Variants in ANXA3 observed in about 807,000 individuals in gnomAD.
The protein encoded by ANXA3 is 35-alpha calcimedin.
Under a neutral mutation model 48.8 loss-of-function variants are expected in ANXA3, and 46 were observed. The ratio of observed to expected loss-of-function variants is 0.94; its 90% CI spans 0.74 to 1.21. The LOEUF (loss-of-function observed/expected upper bound fraction) is 1.21. ANXA3 is among the 50% of genes most tolerant of loss of function. The pLI is 0.00. For missense variants in ANXA3, 383 were observed against 378.6 expected (o/e 1.01, Z -0.10); for synonymous variants, 128 against 134.7 (o/e 0.95, Z 0.35).
intron 2 of ANXA3, among the ~76,000 whole-genome samples, chr4:78,561,093 C>T (rs948619294): frequency 3.3e-5 from 5 of 152,130 alleles, no homozygotes; most frequent in Non-Finnish European, 7.4e-5. Context: ...AAGGCAGAAT[C>T]ATTCAAAACA....
chr4:78,603,435 A>G (rs1723585486), intron 11 of ANXA3: 1 of 152,178 alleles, frequency 6.6e-6, no homozygotes, highest in Non-Finnish European at 1.5e-5. Flanking sequence ...ATCCATTTAC[A>G]TAAGCAACTC....
chr4:78,561,016 GAT>G (rs1167480067), intron 2 of ANXA3, among the ~76,000 whole-genome samples: 1 of 152,162 alleles, frequency 6.6e-6, no homozygotes, highest in Non-Finnish European at 1.5e-5. Flanking sequence ...CTGATTTTTA[GAT>G]GTATTTTTCA....
At chr4:78,580,768 G>A (rs769196171) in intron 4 of ANXA3, among the ~76,000 whole-genome samples, 1 of 152,180 alleles carries the variant, frequency 6.6e-6, no homozygotes, top group African/African-American at 2.4e-5. Flanking sequence ...GAATATTTCT[G>A]TTTTTCCCAT....
Position 78,582,162 on chromosome 4 carries a change from G to T in ANXA3, c.199-15G>T, listed in dbSNP as rs1360683835. ...AAAGTATTTCACATTTTTCCCCTTG[G>T]TTTTTTGATTTTAGGAGCTGAAAGA... is the stretch of plus-strand genomic sequence containing the variant. On this transcript the variant is annotated splice_polypyrimidine_tract_variant and intron_variant, in intron 4 of 12. Transcript: ENST00000264908. 1.3e-6 allele frequency: 2 copies of T among 1,566,804 alleles called. No individual in the cohort carries two copies. The highest frequency in any genetic ancestry group is 1.8e-5 in the Admixed American group (1 of 56,802).
intron 1 of ANXA3, among the ~76,000 whole-genome samples, chr4:78,552,815 C>A (rs1160623885): frequency 6.6e-6 from 1 of 152,070 alleles, no homozygotes; most frequent in Non-Finnish European, 1.5e-5. Flanking sequence ...TTCACGAAGA[C>A]GGAAAACTTC....
chr4:78,600,660 C>T (rs1225867036), intron 10 of ANXA3, among the ~76,000 whole-genome samples: 3 of 152,142 alleles, frequency 2.0e-5, no homozygotes, highest in Admixed American at 6.5e-5. Context: ...TTAAGACAGT[C>T]TATAAGCCAC....
intron 2 of ANXA3, among the ~76,000 whole-genome samples, chr4:78,561,375 T>A (rs1287050764): frequency 6.6e-6 from 1 of 152,124 alleles, no homozygotes; most frequent in Admixed American, 6.5e-5. Flanking sequence ...AAAGGTGCAA[T>A]GTGCTAACAT....
chr4:78,574,221 C>G (rs930899151), intron 3 of ANXA3, among the ~76,000 whole-genome samples: 5 of 152,110 alleles, frequency 3.3e-5, no homozygotes, highest in African/African-American at 1.2e-4. Flanking sequence ...GAGTTCAACA[C>G]CAGCCTGGCA....
intron 2 of ANXA3, among the ~76,000 whole-genome samples, chr4:78,557,323 T>C (rs1220896386): frequency 6.6e-6 from 1 of 152,222 alleles, no homozygotes; most frequent in Non-Finnish European, 1.5e-5. Context: ...TCCCTCCAGC[T>C]GAAGACATTT....
At chr4:78,559,141 G>A (rs367951527) in intron 2 of ANXA3, among the ~76,000 whole-genome samples, 1 of 152,008 alleles carries the variant, frequency 6.6e-6, no homozygotes, top group Non-Finnish European at 1.5e-5. Context: ...GTGCAGTGGT[G>A]CAATCACGGC....
chr4:78,565,590 C>T (rs994037274), intron 2 of ANXA3, among the ~76,000 whole-genome samples: 10 of 152,186 alleles, frequency 6.6e-5, no homozygotes, highest in Admixed American at 2.6e-4. Context: ...GTTGAGGAAA[C>T]TGAGCAAATT....
chr4:78,592,814 T>C lies in ANXA3; in HGVS notation c.483+1191T>C, dbSNP rs534046946. On this transcript the variant is annotated intron_variant, in intron 7 of 12. Transcript: ENST00000264908. ...ATCAACACAGGGTGGTAGTGGTTAGTATTATATTAAGACCGATGATAATCA... is the reference window on the plus strand; with the variant it reads ...ATCAACACAGGGTGGTAGTGGTTAGCATTATATTAAGACCGATGATAATCA... Among the ~76,000 whole-genome samples, 11 of 152,304 alleles carry C rather than the reference T, an allele frequency of 7.2e-5. No homozygotes were observed. In the South Asian group the frequency reaches 1.5e-3, roughly 20 times the overall value.
intron 6 of ANXA3, among the ~76,000 whole-genome samples, chr4:78,587,052 G>A (rs747724179): frequency 2.0e-5 from 3 of 152,132 alleles, no homozygotes; most frequent in East Asian, 1.9e-4. Context: ...TCACAAATGC[G>A]ATATTATCAT....
intron 5 of ANXA3, among the ~76,000 whole-genome samples, chr4:78,586,005 T>C (rs976873058): frequency 3.3e-5 from 5 of 152,360 alleles, no homozygotes; most frequent in South Asian, 4.1e-4. Flanking sequence ...ACAGGCTTTT[T>C]CTTTTATACT....
chr4:78,577,914 C>T (rs1454339296), intron 3 of ANXA3, among the ~76,000 whole-genome samples: 2 of 152,104 alleles, frequency 1.3e-5, no homozygotes, highest in Non-Finnish European at 2.9e-5. Flanking sequence ...CATTCTTAGG[C>T]AGGCCAGCAT....
At chr4:78,589,788 A>G (rs1030913842) in intron 6 of ANXA3, among the ~76,000 whole-genome samples, 2 of 152,222 alleles carry the variant, frequency 1.3e-5, no homozygotes, top group African/African-American at 4.8e-5. Flanking sequence ...GTTGGCCCTC[A>G]TAAAGGGACC....
intron 2 of ANXA3, among the ~76,000 whole-genome samples, chr4:78,559,358 C>T (rs1481112792): frequency 6.6e-6 from 1 of 152,170 alleles, no homozygotes; most frequent in Non-Finnish European, 1.5e-5. Flanking sequence ...GTTGGGATTA[C>T]AGGTGTGAGC....
intron 12 of ANXA3, among the ~76,000 whole-genome samples, chr4:78,607,025 T>C (rs1723663559): frequency 6.6e-6 from 1 of 152,180 alleles, no homozygotes; most frequent in Non-Finnish European, 1.5e-5. Flanking sequence ...AGATTGTCAG[T>C]AACAAGGTTG....
chr4:78,597,916 C>G (rs1723454988), intron 10 of ANXA3, among the ~76,000 whole-genome samples: 1 of 152,128 alleles, frequency 6.6e-6, no homozygotes, highest in African/African-American at 2.4e-5. Context: ...ATCCAGCCAT[C>G]TTTTTAAATC....
Sources: gnomAD v4.1 joint callset for allele counts (sites outside exome capture counted in the v4.1 genomes callset) on GRCh38, gnomAD v4.1.1 for gene constraint, MANE v1.5 for transcripts, NCBI Gene and HGNC (gene_info 2026-07-23, HGNC 2026-07-21) for gene names.